Variants in OCA2 observed in about 807,000 individuals in gnomAD.
OCA2 encodes OCA2 melanosomal transmembrane protein.
In OCA2, 77 loss-of-function variants were observed where a neutral mutation model predicts 100.2. The ratio of observed to expected loss-of-function variants is 0.77; its 90% CI spans 0.64 to 0.93. The LOEUF (loss-of-function observed/expected upper bound fraction) is 0.93, where lower values mean the gene tolerates loss of function less well. OCA2 is among the 40% of genes least tolerant of loss of function. The pLI is 0.00. For synonymous variants in OCA2, 432 were observed against 439.2 expected (o/e 0.98, Z 0.21); for missense variants, 1,062 against 1,089.1 (o/e 0.98, Z 0.35).
chr15:28,023,922 G>A lies in OCA2; in HGVS notation c.573+923C>T, dbSNP rs182954557. On this transcript the variant is annotated intron_variant, in intron 5 of 23. Transcript: ENST00000354638. Reference sequence around the variant, plus strand: ...GGACCATACACCCACGTGCAGACACGAAGACACACAGCCACAGACAGGAGA... The same window carrying A: ...GGACCATACACCCACGTGCAGACACAAAGACACACAGCCACAGACAGGAGA... 1.3e-3 allele frequency among the ~76,000 whole-genome samples: 194 copies of A among 152,178 alleles called. 2 individuals carry two copies. Among genetic ancestry groups the A allele is most frequent in the African/African-American group, 4.2e-3 (176 of 41,506 alleles).
chr15:28,027,831 C>T, intron 4 of OCA2, 40 bp downstream of exon 4: 1 of 1,606,138 alleles, frequency 6.2e-7, no homozygotes, highest in Non-Finnish European at 8.5e-7. Flanking sequence ...CGATGTGCGG[C>T]CACCGCTGCT....
Position 27,985,111 on chromosome 15 carries a change from G to C in OCA2, c.1317C>G (p.Phe439Leu), listed in dbSNP as rs764588411. The C allele has an allele frequency of 1.2e-6, 2 of 1,614,082 alleles. No homozygotes were observed. Among genetic ancestry groups the C allele is most frequent in the East Asian group, 2.2e-5 (1 of 44,882 alleles). The change falls in exon 13 of 24, where the codon TTC becomes TTG. Residue 439 changes from phenylalanine (F) to leucine (L), a missense_variant. By Grantham distance (22) the Phe-to-Leu change is conservative (BLOSUM62 0). Coordinates refer to ENST00000354638, the MANE Select transcript of OCA2 (RefSeq NM_000275.3). ...LCLIAAVLSA[F>L]LDNVTTMLLF... ...GGAGCATGGTGGTGACGTTGTCCAA[G>C]AAGGCAGAGAGGACGGCCGCGATGA...
intron 23 of OCA2, among the ~76,000 whole-genome samples, chr15:27,798,607 T>A (rs941435537): frequency 4.6e-5 from 7 of 152,136 alleles, no homozygotes; most frequent in African/African-American, 1.4e-4. Context: ...TGTCTAAAGT[T>A]ATGGAAGTCT....
intron 2 of OCA2, among the ~76,000 whole-genome samples, chr15:28,034,109 C>A (rs549123290): frequency 6.6e-5 from 10 of 152,152 alleles, no homozygotes; most frequent in Admixed American, 4.6e-4. Flanking sequence ...CATAGCAAGA[C>A]CCCATCTCTA....
intron 18 of OCA2, among the ~76,000 whole-genome samples, chr15:27,944,070 C>G (rs2039749180): frequency 6.6e-6 from 1 of 152,140 alleles, no homozygotes; most frequent in Non-Finnish European, 1.5e-5. Context: ...TTCATCGACA[C>G]CTTGACTATG....
intron 6 of OCA2, among the ~76,000 whole-genome samples, chr15:28,021,698 C>A (rs140932854): frequency 6.6e-6 from 1 of 152,198 alleles, no homozygotes; most frequent in South Asian, 2.1e-4. Context: ...CACCCTCTCC[C>A]GCTGCCTCTA....
rs776760943 is a variant in OCA2 at position 27,983,398 on chromosome 15, T to C, written c.1450A>G (p.Ile484Val). 2 of 1,614,230 alleles carry C rather than the reference T, an allele frequency of 1.2e-6. No individual in the cohort carries two copies. The highest frequency in any genetic ancestry group is 1.7e-6 in the Non-Finnish European group (2 of 1,180,034). Residue 484 changes from isoleucine to valine, a missense_variant, in exon 14 of 24, where the codon ATC (isoleucine) becomes GTC (valine). Coordinates refer to ENST00000354638, the MANE Select transcript of OCA2 (RefSeq NM_000275.3). ...ATAATGACATTTGGAGGGTCCCCGA[T>C]GGCAGTGGCAGCTCCTCCAATGTTT... Reference protein sequence around the residue: ...FTNIGGAATAIGDPPNVIIVS... With the variant: ...FTNIGGAATAVGDPPNVIIVS...
intron 1 of OCA2, among the ~76,000 whole-genome samples, chr15:28,086,524 G>A (rs1263218532): frequency 6.6e-6 from 1 of 152,152 alleles, no homozygotes; most frequent in Non-Finnish European, 1.5e-5. Context: ...GGTTTAAGTG[G>A]TGATTAGAGT....
intron 8 of OCA2, among the ~76,000 whole-genome samples, chr15:28,015,875 T>C (rs780431453): frequency 1.6e-4 from 24 of 152,172 alleles, no homozygotes; most frequent in Non-Finnish European, 2.4e-4. Flanking sequence ...AAAAATACCA[T>C]TTGTTTCAAA....
In OCA2 at chr15:27,893,057, T is replaced by C. The variant is rs1410849338; in HGVS notation, c.2080-21135A>G. Among the ~76,000 whole-genome samples the C allele has an allele frequency of 3.9e-5, 6 of 152,346 alleles. No individual in the cohort carries two copies. In the East Asian group the frequency reaches 1.2e-3, roughly 29 times the overall value. On this transcript the variant is annotated intron_variant, in intron 19 of 23. Coordinates refer to ENST00000354638, the MANE Select transcript of OCA2 (RefSeq NM_000275.3). ...TTTAGCCATGAAAGACGTTGAATTA[T>C]TAATTTGAAAGTTTCCTTTTAAAAA...
chr15:28,040,405 A>C lies in OCA2; in HGVS notation c.228-8242T>G, dbSNP rs371450965. ...GCTGTAAATGCTGACATTAAAAAAGAAGAAAGATCACAAATTAGCAACCTA... is the reference window on the plus strand; with the variant it reads ...GCTGTAAATGCTGACATTAAAAAAGCAGAAAGATCACAAATTAGCAACCTA... On this transcript the variant is annotated intron_variant, in intron 2 of 23. Coordinates refer to ENST00000354638, the MANE Select transcript of OCA2 (RefSeq NM_000275.3). Among the ~76,000 whole-genome samples, 69 of 152,358 alleles carry C rather than the reference A, an allele frequency of 4.5e-4. No homozygotes were observed. In the East Asian group the frequency reaches 8.7e-3, roughly 19 times the overall value.
chr15:27,992,974 A>T (rs1652215411), intron 9 of OCA2, among the ~76,000 whole-genome samples: 1 of 152,132 alleles, frequency 6.6e-6, no homozygotes, highest in African/African-American at 2.4e-5. Context: ...AATAAAAAAA[A>T]TTAGCCAGGT....
At chr15:27,757,774 C>T (rs2030503959) in intron 23 of OCA2, among the ~76,000 whole-genome samples, 1 of 152,304 alleles carries the variant, frequency 6.6e-6, no homozygotes, top group South Asian at 2.1e-4. Flanking sequence ...GAGCCCTCAA[C>T]AAGTTTTAGC....
intron 23 of OCA2, among the ~76,000 whole-genome samples, chr15:27,844,744 ACCCGTCTCGCCCT>A (rs2035469608): frequency 6.6e-6 from 1 of 151,856 alleles, no homozygotes; most frequent in South Asian, 2.1e-4. Flanking sequence ...CAGGCAATCC[ACCCGTCTCGCCCT>A]CCCAAAGTGC....
chr15:27,806,831 G>A (rs896425006), intron 23 of OCA2, among the ~76,000 whole-genome samples: 1 of 152,240 alleles, frequency 6.6e-6, no homozygotes, highest in Non-Finnish European at 1.5e-5. Flanking sequence ...CAGATGGCAA[G>A]GGAGGCCCAG....
At chr15:28,062,318 C>G (rs1375066662) in intron 2 of OCA2, among the ~76,000 whole-genome samples, 1 of 152,210 alleles carries the variant, frequency 6.6e-6, no homozygotes, top group African/African-American at 2.4e-5. Flanking sequence ...CTAAATACCA[C>G]TGATGTTGAG....
chr15:28,026,425 T>G (rs768103386), intron 4 of OCA2, among the ~76,000 whole-genome samples: 1 of 152,202 alleles, frequency 6.6e-6, no homozygotes. Context: ...TCACACAATT[T>G]CACCCAACTC....
At position 28,081,887 on chromosome 15, in the gene OCA2, G is replaced by T; in HGVS notation, c.-13C>A. On this transcript the variant is annotated 5_prime_UTR_variant, in exon 2 of 24. The change creates a new upstream start codon in the 5' untranslated region. Coordinates refer to ENST00000354638, the MANE Select transcript of OCA2 (RefSeq NM_000275.3). ...CCTCCAGATGCATGCTCCACTGCCAGTCTTCTCTCTAGGGCAGCCAGAAAG... is the reference window on the plus strand; with the variant it reads ...CCTCCAGATGCATGCTCCACTGCCATTCTTCTCTCTAGGGCAGCCAGAAAG... 6.2e-7 allele frequency: 1 copy of T among 1,606,720 alleles called. No individual in the cohort carries two copies. The highest frequency in any genetic ancestry group is 8.5e-7 in the Non-Finnish European group (1 of 1,177,874).
Position 27,871,227 on chromosome 15 carries a change from G to A in OCA2, c.2171C>T (p.Ala724Val). 1 of 1,614,184 alleles carries A rather than the reference G, an allele frequency of 6.2e-7. No individual in the cohort carries two copies. The highest frequency in any genetic ancestry group is 8.5e-7 in the Non-Finnish European group (1 of 1,180,016). The stretch of plus-strand genomic sequence containing the variant: ...TGAGACCCACACCACCAGGACAATG[G>A]CGGCTATGAGGCGCTGCTCCTCTGG... Reference protein sequence around the residue: ...MVPEEQRLIAAIVLVVWVSAL... With the variant: ...MVPEEQRLIAVIVLVVWVSAL... The change falls in exon 21 of 24, where the codon GCC becomes GTC. Residue 724 changes from alanine (A) to valine (V), a missense_variant. By Grantham distance (64) the Ala-to-Val change is moderately conservative (BLOSUM62 0). Coordinates refer to ENST00000354638, the MANE Select transcript of OCA2 (RefSeq NM_000275.3).
Sources: allele counts gnomAD v4.1 joint callset (sites outside exome capture counted in the v4.1 genomes callset), GRCh38; gene constraint gnomAD v4.1.1; transcripts MANE v1.5; gene names NCBI Gene and HGNC (gene_info 2026-07-23, HGNC 2026-07-21).